Variants in ZNF227 observed in about 807,000 individuals in gnomAD.
ZNF227 encodes zinc finger protein 227.
In ZNF227, 12 loss-of-function variants were observed where a neutral mutation model predicts 13.2. The observed-to-expected ratio is 0.91, with a 90% CI of 0.58 to 1.47. ZNF227 has a LOEUF of 1.47. Ranked by LOEUF, ZNF227 falls within the 40% of genes most tolerant of loss-of-function variation. The pLI, the probability that ZNF227 is intolerant of heterozygous loss-of-function variation, is 0.00. For synonymous variants in ZNF227, 338 were observed against 326.0 expected, an observed-to-expected ratio of 1.04 and a Z score of -0.40; for missense variants, 885 against 967.5, an observed-to-expected ratio of 0.91 and a Z score of 1.13.
intron 3 of ZNF227, among the ~76,000 whole-genome samples, chr19:44,223,300 C>T (rs1972749271): frequency 6.6e-6 from 1 of 152,108 alleles, no homozygotes; most frequent in Non-Finnish European, 1.5e-5. Context: ...GGGAGGATTC[C>T]CTCTTTTTCT....
Position 44,236,868 on chromosome 19 carries a change from C to T in ZNF227, c.*38C>T, listed in dbSNP as rs777312782. ...TGTTACCAACTTTTGTCTGAATGCA[C>T]ATCTTCAAGTTTTTGGCTAGTCCAT... On this transcript the variant is annotated 3_prime_UTR_variant, in exon 6 of 6. Transcript: ENST00000313040. The T allele has an allele frequency of 4.6e-6, 7 of 1,515,526 alleles. No individual in the cohort carries two copies. In the Admixed American group the frequency reaches 6.4e-5, roughly 14 times the overall value. 93.9% of individuals were successfully genotyped at this position (1,515,526 alleles called of 1,614,324 possible).
chr19:44,219,504 A>T, intron 3 of ZNF227, among the ~76,000 whole-genome samples: 1 of 152,028 alleles, frequency 6.6e-6, no homozygotes, highest in East Asian at 1.9e-4. Context: ...GTCATAAAGA[A>T]AAGAAATTTA....
At chr19:44,213,033 C>T (rs1387390810) in intron 1 of ZNF227, 57 bp from the exon 2 acceptor site, 1 of 151,746 alleles carries the variant, frequency 6.6e-6, no homozygotes, top group Admixed American at 6.6e-5. Context: ...TCTGTCGTAT[C>T]CTTCAGGAGA....
chr19:44,217,729 C>T, intron 2 of ZNF227, 62 bp from the exon 3 acceptor site: 1 of 1,566,706 alleles, frequency 6.4e-7, no homozygotes, highest in Non-Finnish European at 8.8e-7. Context: ...CTCTAATTTC[C>T]TCATATGTAC....
At chr19:44,227,509 A>C (rs1017340479) in intron 3 of ZNF227, among the ~76,000 whole-genome samples, 5 of 151,938 alleles carry the variant, frequency 3.3e-5, no homozygotes, top group African/African-American at 1.2e-4. Context: ...CGGCCTCCCA[A>C]AGTGCTGGCA....
rs1387372636 is a variant in ZNF227, at chr19:44,229,743, C to T, written c.198C>T (p.Pro66=). The T allele has an allele frequency of 6.3e-7, 1 of 1,579,062 alleles. No individual in the cohort carries two copies. Among genetic ancestry groups the T allele is most frequent in the African/African-American group, 1.3e-5 (1 of 74,316 alleles). ...TCTACATTTTCATAGGGCATCTTCC[C>T]TTCCAACCAGATATGGTATCCCAAT... ...FKNLVAVGHL[P]FQPDMVSQLE... is the part of the protein sequence containing the mutation. The change falls in exon 5 of 6, where the codon CCC becomes CCT. Residue 66 remains proline (P), a synonymous_variant. Transcript: ENST00000313040.
chr19:44,228,774 C>A, intron 4 of ZNF227: 1 of 574,486 alleles, frequency 1.7e-6, no homozygotes, highest in Non-Finnish European at 2.7e-6. Flanking sequence ...TGGTTCTCAA[C>A]CATGGGTGAT....
intron 4 of ZNF227, chr19:44,228,893 A>G (rs1973481246): frequency 2.5e-6 from 1 of 392,370 alleles, no homozygotes; most frequent in South Asian, 9.2e-5. Context: ...AAAATCTCCT[A>G]CAGTGCACAG....
At chr19:44,226,550 ACT>A (rs1423113739) in intron 3 of ZNF227, among the ~76,000 whole-genome samples, 8 of 151,874 alleles carry the variant, frequency 5.3e-5, no homozygotes, top group Non-Finnish European at 7.4e-5. Context: ...AATCAGCGAG[ACT>A]CTGTGGGCGT....
chr19:44,216,876 C>T (rs746392567), intron 2 of ZNF227, among the ~76,000 whole-genome samples: 13 of 150,822 alleles, frequency 8.6e-5, no homozygotes, highest in East Asian at 1.9e-4. Context: ...AGTCAGATTT[C>T]GGCTTTTCAG....
intron 3 of ZNF227, among the ~76,000 whole-genome samples, chr19:44,223,452 G>T (rs1317103033): frequency 6.6e-6 from 1 of 152,106 alleles, no homozygotes; most frequent in Admixed American, 6.6e-5. Context: ...GCCTGTTATT[G>T]GTCTATTCAG....
chr19:44,216,235 A>ATTGTTTCT (rs1419769334), intron 2 of ZNF227, among the ~76,000 whole-genome samples: 1 of 151,348 alleles, frequency 6.6e-6, no homozygotes, highest in Non-Finnish European at 1.5e-5. Flanking sequence ...CAGCTAAAAT[A>ATTGTTTCT]TTGTTTCTTT....
At chr19:44,231,374 C>A (rs1161649295) in intron 5 of ZNF227, among the ~76,000 whole-genome samples, 2 of 151,684 alleles carry the variant, frequency 1.3e-5, no homozygotes, top group African/African-American at 4.8e-5. Context: ...CCAAAAGTGT[C>A]ACCCAGGCTG....
At position 44,230,931 on chromosome 19, in the gene ZNF227, A is replaced by ATC. The variant is rs1568609926; in HGVS notation, c.271+1116_271+1117insCT. ...TACAAAAAAAAAAAAAAAAAAATATATATATATATATATATATATATATCT... is the reference window on the plus strand; with the variant it reads ...TACAAAAAAAAAAAAAAAAAAATATATCTATATATATATATATATATATATCT... On this transcript the variant is annotated intron_variant, in intron 5 of 5. Transcript: ENST00000313040. 7.8e-5 allele frequency among the ~76,000 whole-genome samples: 9 copies of ATC among 115,538 alleles called. 1 individual carries two copies. The highest frequency in any genetic ancestry group is 3.7e-4 in the African/African-American group (9 of 24,584). 75.8% of individuals were successfully genotyped at this position (115,538 alleles called of 152,430 possible). A position where few individuals can be genotyped will look rare whatever the true frequency, so the allele number is the denominator to read the frequency against.
intron 1 of ZNF227, 122 bp from the exon 2 acceptor site, chr19:44,212,968 T>TAAA (rs1971487788): frequency 6.6e-6 from 1 of 152,264 alleles, no homozygotes; most frequent in Admixed American, 6.5e-5. Flanking sequence ...GCGCCCTTTT[T>TAAA]ACTGGAAGCT....
rs999921712 is a variant in ZNF227, at chr19:44,221,760, A to G, written c.60+3908A>G. ...TTCTTTTGCTGTGCAGAAGCTCTTT[A>G]GTTTAATTAGATCCCATTTGTCAAT... On this transcript the variant is annotated intron_variant, in intron 3 of 5. Coordinates refer to ENST00000313040, the MANE Select transcript of ZNF227 (RefSeq NM_182490.3). Among the ~76,000 whole-genome samples the G allele has an allele frequency of 8.9e-4, 136 of 152,256 alleles. 1 individual carries two copies. The highest frequency in any genetic ancestry group is 3.4e-3 in the Middle Eastern group (1 of 294).
chr19:44,228,917 A>G (rs1973486306), intron 4 of ZNF227: 3 of 342,502 alleles, frequency 8.8e-6, no homozygotes, highest in Admixed American at 9.5e-5. Context: ...AGTGCCCCCA[A>G]CAGAGAATTG....
At chr19:44,220,398 A>G (rs1259619240) in intron 3 of ZNF227, among the ~76,000 whole-genome samples, 1 of 152,128 alleles carries the variant, frequency 6.6e-6, no homozygotes, top group Non-Finnish European at 1.5e-5. Flanking sequence ...TCCCACCAAC[A>G]GTGTAAAAGT....
intron 3 of ZNF227, 148 bp downstream of exon 3, chr19:44,218,000 G>A (rs1972076414): frequency 1.3e-5 from 11 of 846,556 alleles, no homozygotes; most frequent in Non-Finnish European, 2.0e-5. Context: ...TTTTGTTTTA[G>A]TTTATCACCT....
Sources: allele counts gnomAD v4.1 joint callset (sites outside exome capture counted in the v4.1 genomes callset), GRCh38; gene constraint gnomAD v4.1.1; transcripts MANE v1.5; gene names NCBI Gene and HGNC (gene_info 2026-07-23, HGNC 2026-07-21).